The following LRRK1 variants were observed in gnomAD, a reference collection of about 807,000 sequenced individuals.
The protein encoded by LRRK1 is leucine-rich repeat serine/threonine-protein kinase 1.
A neutral mutation model predicts 209.1 loss-of-function variants in LRRK1; 113 were observed. The observed-to-expected ratio is 0.54, with a 90% CI of 0.46 to 0.63. The LOEUF is 0.63. Among genes scored for constraint, LRRK1 ranks in the 30% least tolerant of loss-of-function variants. The pLI is 0.00. For missense variants in LRRK1, 2,284 were observed against 2,632.2 expected (o/e 0.87, Z 2.89); for synonymous variants, 1,144 against 1,099.7 (o/e 1.04, Z -0.80).
chr15:100,922,931 G>C lies in LRRK1; in HGVS notation c.-122-1580G>C, dbSNP rs181254342. 1.3e-3 allele frequency among the ~76,000 whole-genome samples: 194 copies of C among 152,276 alleles called. 2 individuals are homozygous for C. Among genetic ancestry groups the C allele is most frequent in the African/African-American group, 4.5e-3 (188 of 41,558 alleles). On this transcript the variant is annotated intron_variant, in intron 1 of 33. Coordinates refer to ENST00000388948, the MANE Select transcript of LRRK1 (RefSeq NM_024652.6). ...GACGAGTCCAGTCCACCTGGGCCAGGTGCCTGAGTTCTAGGCTTTTAGGTG... is the reference window on the plus strand; with the variant it reads ...GACGAGTCCAGTCCACCTGGGCCAGCTGCCTGAGTTCTAGGCTTTTAGGTG...
At chr15:101,039,323 T>C (rs1224488248) in intron 20 of LRRK1, among the ~76,000 whole-genome samples, 4 of 152,214 alleles carry the variant, frequency 2.6e-5, no homozygotes, top group African/African-American at 4.8e-5. Flanking sequence ...ATTTTCTGCA[T>C]CTTTTGTTAA....
chr15:101,012,987 T>C (rs77324466), intron 10 of LRRK1, among the ~76,000 whole-genome samples: 2,405 of 152,152 alleles, frequency 0.016, 84 homozygotes, highest in African/African-American at 0.055. Flanking sequence ...CTGTTCTGAG[T>C]CTGTCTTCTC....
intron 2 of LRRK1, among the ~76,000 whole-genome samples, chr15:100,953,663 C>T (rs561444761): frequency 7.9e-5 from 12 of 152,164 alleles, no homozygotes; most frequent in African/African-American, 2.6e-4. Flanking sequence ...GATATCTCTT[C>T]GAGATACTGA....
In LRRK1 at chr15:101,066,177, G is replaced by A. The variant is rs770769016; in HGVS notation, c.5740G>A (p.Ala1914Thr). The change falls in exon 32 of 34, where the codon GCC (alanine) becomes ACC (threonine). Residue 1914 changes from alanine (A) to threonine (T), a missense_variant. Ala to Thr is a moderately conservative substitution (Grantham distance 58, BLOSUM62 0). Coordinates refer to ENST00000388948, the MANE Select transcript of LRRK1 (RefSeq NM_024652.6). ...GCACCTGCAGGCCGTGAAGATCCTC[G>A]CCGTCAGAGACCTCATTTGGGTCCC... ...SQHLQAVKIL[A>T]VRDLIWVPRR... 17 of 1,611,656 alleles carry A rather than the reference G, an allele frequency of 1.1e-5. No homozygotes were observed. Among genetic ancestry groups the A allele is most frequent in the Admixed American group, 5.0e-5 (3 of 59,940 alleles).
chr15:100,978,272 A>T (rs539772733), intron 3 of LRRK1, among the ~76,000 whole-genome samples: 5 of 152,332 alleles, frequency 3.3e-5, no homozygotes, highest in Middle Eastern at 3.4e-3. Flanking sequence ...CAGAAGATCC[A>T]ACAGTCATGT....
intron 6 of LRRK1, among the ~76,000 whole-genome samples, chr15:101,006,482 T>C (rs925853650): frequency 1.3e-5 from 2 of 151,940 alleles, no homozygotes; most frequent in East Asian, 3.9e-4. Flanking sequence ...TGCAATGTCA[T>C]GCAATTGTCA....
Position 100,940,827 on chromosome 15 carries a change from A to G in LRRK1, c.97+16098A>G, listed in dbSNP as rs181807188. Among the ~76,000 whole-genome samples the G allele has an allele frequency of 3.9e-4, 60 of 152,356 alleles. No homozygotes were observed. The East Asian group carries it at 6.9e-3, about 18-fold the overall frequency. On this transcript the variant is annotated intron_variant, in intron 2 of 33. Coordinates refer to ENST00000388948, the MANE Select transcript of LRRK1 (RefSeq NM_024652.6). ...TTGACAATACCAAGCTGTGTTGTGA[A>G]TCAGGAAAGCCCAAAGCTGTCTTAT...
intron 20 of LRRK1, among the ~76,000 whole-genome samples, chr15:101,042,335 G>A (rs896377174): frequency 1.5e-4 from 23 of 152,020 alleles, no homozygotes; most frequent in Non-Finnish European, 4.4e-5. Context: ...TCTTTTTAAA[G>A]GTGTCACCCC....
At chr15:100,991,786 C>G (rs2032166638) in intron 6 of LRRK1, among the ~76,000 whole-genome samples, 1 of 151,938 alleles carries the variant, frequency 6.6e-6, no homozygotes, top group South Asian at 2.1e-4. Flanking sequence ...CTATCTTGTT[C>G]CTGATTTTAA....
At chr15:101,021,744 G>A in intron 13 of LRRK1, 101 bp from the exon 14 acceptor site, 1 of 758,834 alleles carries the variant, frequency 1.3e-6, no homozygotes, top group Non-Finnish European at 2.2e-6. Context: ...TGGGGTACAG[G>A]CTGCAGAGGC....
chr15:100,983,881 G>C (rs371413765), intron 4 of LRRK1, 182 bp downstream of exon 4: 1 of 760,408 alleles, frequency 1.3e-6, no homozygotes, highest in Non-Finnish European at 2.4e-6. Flanking sequence ...TCACTCCCAT[G>C]AACTCATAAG....
At chr15:101,066,495 G>A in intron 32 of LRRK1, 145 bp from the exon 33 acceptor site, 1 of 828,232 alleles carries the variant, frequency 1.2e-6, no homozygotes, top group Non-Finnish European at 2.0e-6. Context: ...CTGCTTTGAA[G>A]TCTGTCCCCT....
At chr15:100,974,385 C>T (rs1427548424) in intron 3 of LRRK1, among the ~76,000 whole-genome samples, 1 of 152,214 alleles carries the variant, frequency 6.6e-6, no homozygotes, top group Non-Finnish European at 1.5e-5. Context: ...CTAAAACCCA[C>T]TTAACAGTTT....
intron 4 of LRRK1, 104 bp from the exon 5 acceptor site, chr15:100,988,525 CATTTT>C: frequency 1.0e-6 from 1 of 989,822 alleles, no homozygotes. Flanking sequence ...AAATGTACCA[CATTTT>C]ATTTAACCAG....
chr15:100,973,732 T>C (rs941315880), intron 2 of LRRK1, 72 bp from the exon 3 acceptor site: 5 of 1,236,474 alleles, frequency 4.0e-6, no homozygotes, highest in South Asian at 6.9e-5. Flanking sequence ...TCCTGCTGTG[T>C]TCCACGGTGA....
At chr15:101,008,607 C>A (rs1250217239) in intron 6 of LRRK1, among the ~76,000 whole-genome samples, 2 of 152,236 alleles carry the variant, frequency 1.3e-5, no homozygotes, top group African/African-American at 2.4e-5. Context: ...CTTGCAGGCG[C>A]TGTGCACAGA....
intron 20 of LRRK1, among the ~76,000 whole-genome samples, chr15:101,039,664 A>AG (rs1171165933): frequency 2.6e-5 from 4 of 152,144 alleles, no homozygotes; most frequent in African/African-American, 9.7e-5. Context: ...GTGTGATCTC[A>AG]GGGGGGAAGC....
At chr15:100,947,003 C>T (rs1439271957) in intron 2 of LRRK1, among the ~76,000 whole-genome samples, 1 of 152,000 alleles carries the variant, frequency 6.6e-6, no homozygotes, top group Admixed American at 6.6e-5. Context: ...CGGAGTCCTG[C>T]TCTGTCACCA....
In LRRK1 at chr15:101,066,723, G is replaced by GA; in HGVS notation, c.5853dup (p.Glu1952ArgfsTer24). 1 of 1,614,110 alleles carries GA rather than the reference G, an allele frequency of 6.2e-7. No individual in the cohort carries two copies. The highest frequency in any genetic ancestry group is 1.3e-5 in the African/African-American group (1 of 75,058). On this transcript the variant is annotated frameshift_variant, in exon 33 of 34. Transcript: ENST00000388948. LOFTEE classifies it high-confidence loss of function. ...CGAGTCATTGCCGTCTTAAAAGCCC[G>GA]AGAGCTGACTCCGCATGGGTAAGAC...
Sources: allele counts gnomAD v4.1 joint callset (sites outside exome capture counted in the v4.1 genomes callset), GRCh38; gene constraint gnomAD v4.1.1; transcripts MANE v1.5; gene names NCBI Gene and HGNC (gene_info 2026-07-23, HGNC 2026-07-21).